AKT3: variants seen among roughly 807,000 people sequenced by gnomAD.
The protein encoded by AKT3 is AKT serine/threonine kinase 3, also known as RAC-gamma serine/threonine-protein kinase.
In AKT3, 15 loss-of-function variants were observed where a neutral mutation model predicts 65.3. That is an observed-to-expected ratio of 0.23 (90% CI 0.15 to 0.35). The LOEUF is 0.35. Among genes scored for constraint, AKT3 ranks in the 10% least tolerant of loss-of-function variants. The probability of loss-of-function intolerance (pLI) is 1.00; values close to 1 mark genes in which losing one functional copy is unlikely to be tolerated. For synonymous variants in AKT3, 206 were observed against 183.8 expected (o/e 1.12, Z -0.98); for missense variants, 243 against 576.5 (o/e 0.42, Z 5.92).
intron 2 of AKT3, among the ~76,000 whole-genome samples, chr1:243,799,267 A>G (rs993271660): frequency 1.3e-5 from 2 of 152,234 alleles, no homozygotes; most frequent in Non-Finnish European, 2.9e-5. Context: ...CCCTAAGTAC[A>G]AAGTAGAAAA....
At chr1:243,568,841 GTTGT>G (rs1674359221) in intron 9 of AKT3, among the ~76,000 whole-genome samples, 1 of 152,162 alleles carries the variant, frequency 6.6e-6, no homozygotes, top group Non-Finnish European at 1.5e-5. Context: ...CCGAGGCATG[GTTGT>G]AACCTGTTTG....
chr1:243,544,703 TTG>T (rs1181180727), intron 12 of AKT3, among the ~76,000 whole-genome samples: 4 of 86,044 alleles, frequency 4.6e-5, no homozygotes, highest in Non-Finnish European at 3.3e-5. Context: ...TTTTTGTTTT[TTG>T]TTTTTTTTTT....
chr1:243,748,125 T>C (rs979613891), intron 2 of AKT3, among the ~76,000 whole-genome samples: 13 of 152,222 alleles, frequency 8.5e-5, no homozygotes, highest in African/African-American at 2.9e-4. Flanking sequence ...GTATTGTTTA[T>C]ATGATTCAGT....
intron 3 of AKT3, among the ~76,000 whole-genome samples, chr1:243,671,187 C>G (rs533994328): frequency 7.3e-5 from 11 of 151,678 alleles, no homozygotes; most frequent in Admixed American, 2.0e-4. Context: ...ATGCCATTCT[C>G]CTGCCTCAGC....
At chr1:243,847,464 G>A (rs1164263770) in intron 1 of AKT3, among the ~76,000 whole-genome samples, 1 of 152,020 alleles carries the variant, frequency 6.6e-6, no homozygotes, top group East Asian at 1.9e-4. Flanking sequence ...AATACACAAA[G>A]TTTAAGTAAA....
chr1:243,850,072 C>G lies in AKT3; in HGVS notation c.-145G>C, dbSNP rs1351449663. The G allele has an allele frequency of 2.1e-6, 2 of 938,610 alleles. No homozygotes were observed. The highest frequency in any genetic ancestry group is 2.5e-6 in the Non-Finnish European group (2 of 794,908). 58.1% of individuals were successfully genotyped at this position (938,610 alleles called of 1,614,324 possible). On this transcript the variant is annotated 5_prime_UTR_variant, in exon 1 of 14. Transcript: ENST00000673466. ...GGCGGCGGCGGCGGTGGCGGCCCCG[C>G]AGCTGCTCGGGCGGCGGCGGAGGAT...
chr1:243,812,863 T>C (rs529226584), intron 2 of AKT3, among the ~76,000 whole-genome samples: 8 of 152,230 alleles, frequency 5.3e-5, no homozygotes, highest in Admixed American at 5.2e-4. Context: ...GTTCATGTCC[T>C]TTGTAGGGAC....
In AKT3 at chr1:243,641,284, ACACACG is replaced by A. The variant is rs1388027566; in HGVS notation, c.430-3548_430-3543del. 4.0e-5 allele frequency among the ~76,000 whole-genome samples: 6 copies of A among 150,362 alleles called. No individual in the cohort carries two copies. In the South Asian group the frequency reaches 1.1e-3, roughly 26 times the overall value. On this transcript the variant is annotated intron_variant, in intron 5 of 13. Transcript: ENST00000673466. ...TATATATATATATATACACACACAC[ACACACG>A]CACACACACACACATACATATATAC...
At chr1:243,691,174 G>A (rs887808792) in intron 3 of AKT3, among the ~76,000 whole-genome samples, 4 of 152,184 alleles carry the variant, frequency 2.6e-5, no homozygotes, top group Admixed American at 1.3e-4. Flanking sequence ...CATTCCAATC[G>A]AAGGGAACAG....
chr1:243,838,745 C>A (rs1267703064), intron 2 of AKT3, among the ~76,000 whole-genome samples: 1 of 152,154 alleles, frequency 6.6e-6, no homozygotes, highest in Admixed American at 6.5e-5. Context: ...AATACCGACA[C>A]TGTAGTTCAT....
chr1:243,704,088 TG>T (rs1173884491), intron 2 of AKT3, among the ~76,000 whole-genome samples: 1 of 152,196 alleles, frequency 6.6e-6, no homozygotes, highest in Non-Finnish European at 1.5e-5. Context: ...CAACCAGCTT[TG>T]GATGTGTGTT....
At chr1:243,498,459 A>T (rs1449646858), downstream of AKT3, among the ~76,000 whole-genome samples, 9 of 152,042 alleles carry the variant, frequency 5.9e-5, no homozygotes, top group Non-Finnish European at 1.2e-4. Context: ...TACGAGGAGG[A>T]GTGAGGCCTC....
At chr1:243,598,262 A>T (rs1676764842) in intron 8 of AKT3, among the ~76,000 whole-genome samples, 1 of 152,184 alleles carries the variant, frequency 6.6e-6, no homozygotes, top group South Asian at 2.1e-4. Context: ...TTTTCATTGG[A>T]AGTATTAAAA....
intron 4 of AKT3, among the ~76,000 whole-genome samples, chr1:243,646,952 T>C (rs1397536681): frequency 6.6e-6 from 1 of 152,240 alleles, no homozygotes; most frequent in African/African-American, 2.4e-5. Flanking sequence ...TATTTTTCCA[T>C]GTGAATTTTA....
chr1:243,789,804 C>G (rs1691502886), intron 2 of AKT3, among the ~76,000 whole-genome samples: 1 of 152,200 alleles, frequency 6.6e-6, no homozygotes, highest in African/African-American at 2.4e-5. Flanking sequence ...GTCCTTGATA[C>G]CTGGGCTGCA....
At chr1:243,711,394 T>C (rs1013210626) in intron 2 of AKT3, among the ~76,000 whole-genome samples, 1 of 152,112 alleles carries the variant, frequency 6.6e-6, no homozygotes, top group East Asian at 1.9e-4. Context: ...ATACCATACA[T>C]CCGAAATACT....
At chr1:243,515,299 C>A (rs1446200570) in intron 12 of AKT3, among the ~76,000 whole-genome samples, 3 of 151,026 alleles carry the variant, frequency 2.0e-5, no homozygotes, top group Non-Finnish European at 4.4e-5. Context: ...TTATTTAGGA[C>A]AAATACTAAG....
chr1:243,506,278 C>T (rs1669661990), intron 13 of AKT3, among the ~76,000 whole-genome samples: 1 of 152,252 alleles, frequency 6.6e-6, no homozygotes, highest in African/African-American at 2.4e-5. Context: ...TGCCTCTAAG[C>T]TTGTTTAATC....
In AKT3 at chr1:243,715,721, CATT is replaced by C. The variant is rs565508930; in HGVS notation, c.47-20008_47-20006del. Among the ~76,000 whole-genome samples the C allele has an allele frequency of 1.4e-4, 22 of 152,048 alleles. No homozygotes were observed. In the South Asian group the frequency reaches 4.2e-3, roughly 29 times the overall value. On this transcript the variant is annotated intron_variant, in intron 2 of 13. Transcript: ENST00000673466. ...AAGTATTTTTAGAAGAGAAACTTTT[CATT>C]ATTTTGAAAACAGGTTCAAAGGTGT...
Sources: gnomAD v4.1 joint callset for allele counts (sites outside exome capture counted in the v4.1 genomes callset) on GRCh38, gnomAD v4.1.1 for gene constraint, MANE v1.5 for transcripts, NCBI Gene and HGNC (gene_info 2026-07-23, HGNC 2026-07-21) for gene names.